The following DYNC2H1 variants were observed in gnomAD, a reference collection of about 807,000 sequenced individuals.
DYNC2H1 encodes the protein dynein cytoplasmic 2 heavy chain 1.
In DYNC2H1, 410 loss-of-function variants were observed where a neutral mutation model predicts 570.0. That is an observed-to-expected ratio of 0.72 (90% CI 0.66 to 0.78). The LOEUF (loss-of-function observed/expected upper bound fraction) is 0.78. Among genes scored for constraint, DYNC2H1 ranks in the 30% least tolerant of loss-of-function variants. DYNC2H1 has a pLI of 0.00. For synonymous variants in DYNC2H1, 1,688 were observed against 1,677.6 expected, an observed-to-expected ratio of 1.01 and a Z score of -0.15; for missense variants, 4,865 against 5,046.4, an observed-to-expected ratio of 0.96 and a Z score of 1.09.
chr11:103,245,345 C>A lies in DYNC2H1; in HGVS notation c.10013C>A (p.Pro3338Gln). The change falls in exon 65 of 89, where the codon CCA becomes CAA. Residue 3338 changes from proline (P) to glutamine (Q), a missense_variant. Around this residue, in one of 5 missense-constraint regions of DYNC2H1, gnomAD observed 2,401 missense variants for 2,454.6 expected, o/e 0.98. Transcript: ENST00000375735. This position sits in a 1 kb window ranked among gnomAD's most constrained non-coding sequence, Gnocchi z 4.5. ...EMDGVEPVLY[P>Q]LLRRDLVAQG... Reference sequence around the variant, plus strand: ...GATGGTGTAGAACCTGTTCTTTATCCATTATTGAGACGAGATCTGGTTGCT... The same window carrying A: ...GATGGTGTAGAACCTGTTCTTTATCAATTATTGAGACGAGATCTGGTTGCT... The A allele has an allele frequency of 6.3e-7, 1 of 1,585,074 alleles. No individual in the cohort carries two copies. Among genetic ancestry groups the A allele is most frequent in the South Asian group, 1.2e-5 (1 of 86,124 alleles).
chr11:103,342,447 C>G (rs1939504939), intron 82 of DYNC2H1, among the ~76,000 whole-genome samples: 1 of 151,890 alleles, frequency 6.6e-6, no homozygotes, highest in South Asian at 2.1e-4. Flanking sequence ...AACGTGGAAC[C>G]TTTGTTCTTT....
chr11:103,377,055 C>T (rs763150867), intron 83 of DYNC2H1, among the ~76,000 whole-genome samples: 3 of 152,112 alleles, frequency 2.0e-5, no homozygotes, highest in East Asian at 1.9e-4. Flanking sequence ...TAGAATTATT[C>T]GTCCTTGACT....
At chr11:103,279,802 G>A (rs372535286) in intron 70 of DYNC2H1, among the ~76,000 whole-genome samples, 1 of 152,246 alleles carries the variant, frequency 6.6e-6, no homozygotes, top group East Asian at 1.9e-4. Context: ...AACTTTCTAA[G>A]TGATAACACA....
intron 83 of DYNC2H1, among the ~76,000 whole-genome samples, chr11:103,377,366 G>T (rs1384232100): frequency 6.6e-6 from 1 of 151,874 alleles, no homozygotes; most frequent in Non-Finnish European, 1.5e-5. Flanking sequence ...CAAGTTCAGA[G>T]ACTCTTTTTT....
In DYNC2H1 at chr11:103,479,028, G is replaced by T. The variant is rs1406932959; in HGVS notation, c.12766-67G>T. On this transcript the variant is annotated intron_variant, in intron 88 of 88. Coordinates refer to ENST00000375735, the MANE Select transcript of DYNC2H1 (RefSeq NM_001377.3). ...ATAATATTAATATGTTTGTTTCCTT[G>T]GTTATCTAATAATCTGTTTCCAAAT... 9.2e-6 allele frequency: 14 copies of T among 1,526,674 alleles called. No homozygotes were observed. In the East Asian group the frequency reaches 1.6e-4, roughly 17 times the overall value. The allele number at this position is 1,526,674 out of a possible 1,614,324, so 94.6% of individuals were successfully genotyped here.
chr11:103,213,523 G>A (rs1863241418), intron 54 of DYNC2H1, among the ~76,000 whole-genome samples: 1 of 150,658 alleles, frequency 6.6e-6, no homozygotes, highest in Admixed American at 6.6e-5. Context: ...GATATTTATG[G>A]GGTACATGTG....
intron 82 of DYNC2H1, among the ~76,000 whole-genome samples, chr11:103,343,710 T>A (rs1184277388): frequency 6.9e-6 from 1 of 145,670 alleles, no homozygotes; most frequent in East Asian, 2.0e-4. Context: ...GAACAAGACC[T>A]TGTCAATCAA....
chr11:103,303,339 G>C (rs1368600324), intron 76 of DYNC2H1, 86 bp downstream of exon 76: 2 of 1,441,888 alleles, frequency 1.4e-6, no homozygotes, highest in Non-Finnish European at 9.4e-7. Flanking sequence ...ATTTTTTGTT[G>C]TGATAAGCCA....
chr11:103,150,827 A>T (rs11225572), intron 20 of DYNC2H1, among the ~76,000 whole-genome samples: 5,043 of 152,150 alleles, frequency 0.033, 286 homozygotes, highest in African/African-American at 0.12. Context: ...TAAAGGAGAG[A>T]TTGATGTTGT....
At chr11:103,427,664 A>G (rs1463528604) in intron 84 of DYNC2H1, among the ~76,000 whole-genome samples, 3 of 152,006 alleles carry the variant, frequency 2.0e-5, no homozygotes, top group Non-Finnish European at 2.9e-5. Context: ...GTATCTTCAC[A>G]CTGTGGAGGG....
At position 103,479,105 on chromosome 11, in the gene DYNC2H1, G is replaced by A. The variant is rs368203507; in HGVS notation, c.12776G>A (p.Gly4259Asp). The change falls in exon 89 of 89, where the codon GGT (glycine) becomes GAT (aspartate). Residue 4259 changes from glycine (G) to aspartate (D), a missense_variant. Around this residue, in one of 5 missense-constraint regions of DYNC2H1, gnomAD observed 2,401 missense variants for 2,454.6 expected, o/e 0.98. Transcript: ENST00000375735. ...TTATTTTTTAAACAGGATGCATGTG[G>A]TCCATATTCTCCGGATGAGTGCATC... is the stretch of plus-strand genomic sequence containing the variant. ...FMGWIPQDACGPYSPDECISL... is the reference protein window; with the variant it reads ...FMGWIPQDACDPYSPDECISL... The A allele has an allele frequency of 4.3e-6, 7 of 1,613,538 alleles. No individual in the cohort carries two copies. The highest frequency in any genetic ancestry group is 5.9e-6 in the Non-Finnish European group (7 of 1,179,632).
intron 57 of DYNC2H1, among the ~76,000 whole-genome samples, 163 bp downstream of exon 57, chr11:103,220,946 A>G (rs1187927247): frequency 6.6e-6 from 1 of 152,188 alleles, no homozygotes; most frequent in Non-Finnish European, 1.5e-5. Context: ...ATCATATATC[A>G]AGATCTATAT....
Position 103,235,681 on chromosome 11 carries a change from A to G in DYNC2H1, c.9577A>G (p.Ile3193Val), listed in dbSNP as rs886047571. 1.9e-6 allele frequency: 3 copies of G among 1,608,386 alleles called. No homozygotes were observed. The highest frequency in any genetic ancestry group is 1.7e-5 in the Admixed American group (1 of 59,662). ...TCTCTCTTTTTTCCAGGTTGTAGAG[A>G]TAACAGAGGAATTAGCTACTCTTCC... ...HKRWNAQVVE[I>V]TEELATLPKR... The change falls in exon 62 of 89, where the codon ATA becomes GTA. Residue 3193 changes from isoleucine (I) to valine (V), a missense_variant. Physicochemically the swap from Ile to Val is conservative, Grantham distance 29. Coordinates refer to ENST00000375735, the MANE Select transcript of DYNC2H1 (RefSeq NM_001377.3).
chr11:103,143,221 T>G, intron 17 of DYNC2H1, 47 bp from the exon 18 acceptor site: 4 of 1,583,320 alleles, frequency 2.5e-6, no homozygotes, highest in Non-Finnish European at 3.5e-6. Context: ...TATGTTAACA[T>G]ATTGGTTCTG....
intron 87 of DYNC2H1, among the ~76,000 whole-genome samples, chr11:103,458,612 A>C (rs1944880052): frequency 6.6e-6 from 1 of 152,176 alleles, no homozygotes; most frequent in African/African-American, 2.4e-5. Flanking sequence ...TTTAAAAAAA[A>C]AGCCACTTAT....
At chr11:103,309,347 A>C (rs190244873) in intron 78 of DYNC2H1, among the ~76,000 whole-genome samples, 22 of 141,760 alleles carry the variant, frequency 1.6e-4, no homozygotes, top group African/African-American at 5.7e-4. Context: ...TAATTTTTTT[A>C]TTTCTTTTCT....
intron 85 of DYNC2H1, among the ~76,000 whole-genome samples, chr11:103,443,979 A>G (rs1944350532): frequency 6.6e-6 from 1 of 151,920 alleles, no homozygotes; most frequent in African/African-American, 2.4e-5. Context: ...GAACAAAGTA[A>G]CTTACGATTA....
At chr11:103,184,148 T>A (rs1251162757) in intron 40 of DYNC2H1, among the ~76,000 whole-genome samples, 1 of 151,968 alleles carries the variant, frequency 6.6e-6, no homozygotes, top group Non-Finnish European at 1.5e-5. Context: ...GCCCTCAATC[T>A]GAGTTACTGT....
chr11:103,233,074 T>C (rs1157679620), intron 60 of DYNC2H1, among the ~76,000 whole-genome samples: 1 of 151,990 alleles, frequency 6.6e-6, no homozygotes, highest in Admixed American at 6.6e-5. Context: ...TCTAGAGTCT[T>C]ATGTCTAGGG....
Sources: gnomAD v4.1 joint callset for allele counts (sites outside exome capture counted in the v4.1 genomes callset) on GRCh38, gnomAD v4.1.1 for gene constraint, gnomAD v4.1.1 regional missense constraint, Gnocchi (gnomAD v3.1) non-coding constraint, MANE v1.5 for transcripts, NCBI Gene and HGNC (gene_info 2026-07-23, HGNC 2026-07-21) for gene names.